Variants in WNT7B observed in about 807,000 individuals in gnomAD.
WNT7B encodes protein Wnt-7b.
A neutral mutation model predicts 38.2 loss-of-function variants in WNT7B; 19 were observed. That is an observed-to-expected ratio of 0.50 (90% CI 0.35 to 0.73). The LOEUF is 0.73. Among genes scored for constraint, WNT7B ranks in the 30% least tolerant of loss-of-function variants. The probability of loss-of-function intolerance (pLI) is 0.01; values close to 1 mark genes in which losing one functional copy is unlikely to be tolerated. For missense variants in WNT7B, 423 were observed against 507.9 expected, an observed-to-expected ratio of 0.83 and a Z score of 1.61; for synonymous variants, 243 against 209.3, an observed-to-expected ratio of 1.16 and a Z score of -1.39.
At chr22:45,972,373 C>A in intron 1 of WNT7B, 1 of 329,534 alleles carries the variant, frequency 3.0e-6, no homozygotes, top group South Asian at 1.4e-4. Context: ...CTCGTGGGCC[C>A]GGGCGCAGTT....
At chr22:45,957,246 G>A (rs867153738) in intron 1 of WNT7B, among the ~76,000 whole-genome samples, 1 of 137,146 alleles carries the variant, frequency 7.3e-6, no homozygotes, top group Non-Finnish European at 1.7e-5. Flanking sequence ...ATGTAAAAAT[G>A]CATCAAGGTG....
chr22:45,969,213 C>G (rs986332657), intron 1 of WNT7B, among the ~76,000 whole-genome samples: 1 of 152,242 alleles, frequency 6.6e-6, no homozygotes, highest in Non-Finnish European at 1.5e-5. Flanking sequence ...CCCCCCCACC[C>G]TGCCACAGCC....
chr22:45,967,854 C>T (rs1409183877), intron 1 of WNT7B, among the ~76,000 whole-genome samples: 1 of 152,160 alleles, frequency 6.6e-6, no homozygotes, highest in Non-Finnish European at 1.5e-5. Flanking sequence ...ATCACCTCGC[C>T]CCCCATCAGC....
In WNT7B at chr22:45,976,514, G is replaced by A. The variant is rs554446428; in HGVS notation, c.71+170C>T. 9.2e-5 allele frequency among the ~76,000 whole-genome samples: 14 copies of A among 152,018 alleles called. No homozygotes were observed. In the South Asian group the frequency reaches 2.7e-3, roughly 29 times the overall value. On this transcript the variant is annotated intron_variant, in intron 1 of 3. Transcript: ENST00000339464. This position sits in a 1 kb window ranked among gnomAD's most constrained non-coding sequence, Gnocchi z 8.5. ...GCCTCTCGGGAGCTCAGGGGGTTGG[G>A]CTGCGTCTCTGCTGGCGTGGGGCGA...
chr22:45,941,176 G>A (rs1185505932), intron 2 of WNT7B, among the ~76,000 whole-genome samples: 1 of 152,206 alleles, frequency 6.6e-6, no homozygotes, highest in Non-Finnish European at 1.5e-5. Flanking sequence ...AGAGCTAACG[G>A]GATTAGCAAG....
intron 1 of WNT7B, among the ~76,000 whole-genome samples, chr22:45,963,387 G>A (rs573515692): frequency 1.6e-4 from 24 of 152,156 alleles, no homozygotes; most frequent in African/African-American, 2.4e-4. Context: ...TTCCCCAGGG[G>A]CAGCCTCCTC....
chr22:45,955,559 G>C (rs1389533478), intron 1 of WNT7B, among the ~76,000 whole-genome samples: 1 of 152,196 alleles, frequency 6.6e-6, no homozygotes, highest in African/African-American at 2.4e-5. Flanking sequence ...AGGTTGGCCA[G>C]GAAGGCTCTG....
At position 45,922,665 on chromosome 22, in the gene WNT7B, TG is replaced by T; in HGVS notation, c.*190del. ...TGCCGCAGGAGGTGATGGGAGGAGG[TG>T]GCAGGAAGGAGCCCCAGGGAGGCGG... is the stretch of plus-strand genomic sequence containing the variant. On this transcript the variant is annotated 3_prime_UTR_variant, in exon 4 of 4. Coordinates refer to ENST00000339464, the MANE Select transcript of WNT7B (RefSeq NM_058238.3). 1 of 883,936 alleles carries T rather than the reference TG, an allele frequency of 1.1e-6. No homozygotes were observed. Among genetic ancestry groups the T allele is most frequent in the Non-Finnish European group, 1.7e-6 (1 of 601,810 alleles). 54.8% of individuals were successfully genotyped at this position (883,936 alleles called of 1,614,324 possible). A position where few individuals can be genotyped will look rare whatever the true frequency, so the allele number is the denominator to read the frequency against.
At chr22:45,937,493 G>C (rs1247067432) in intron 2 of WNT7B, among the ~76,000 whole-genome samples, 1 of 152,216 alleles carries the variant, frequency 6.6e-6, no homozygotes, top group Non-Finnish European at 1.5e-5. Flanking sequence ...CTTCATGCCT[G>C]TAGGTGTGAC....
rs371081957 is a variant in WNT7B at position 45,976,767 on chromosome 22, G to C, written c.-13C>G. The C allele has an allele frequency of 4.2e-4, 671 of 1,603,452 alleles. 3 individuals are homozygous for C. In the African/African-American group the frequency reaches 7.6e-3, roughly 18 times the overall value. ...AGTTTCTGTGCATGATCCAGGGAGG[G>C]GGGCTGCGCCATAGACAGCGGCGGC... On this transcript the variant is annotated 5_prime_UTR_variant, in exon 1 of 4. Transcript: ENST00000339464. This position sits in a 1 kb window ranked among gnomAD's most constrained non-coding sequence, Gnocchi z 8.5.
chr22:45,951,026 C>T lies in WNT7B; in HGVS notation c.72-880G>A, dbSNP rs1033453650. ...GCCCTAGACAAGAACCCGCAGGTCA[C>T]GCTCACTCTACTTCAAGTGATATCA... On this transcript the variant is annotated intron_variant, in intron 1 of 3. Coordinates refer to ENST00000339464, the MANE Select transcript of WNT7B (RefSeq NM_058238.3). The surrounding 1 kb of genome is among the most constrained non-coding windows in gnomAD (Gnocchi z 4.8). Among the ~76,000 whole-genome samples, 2 of 152,210 alleles carry T rather than the reference C, an allele frequency of 1.3e-5. No individual in the cohort carries two copies. The highest frequency in any genetic ancestry group is 2.9e-5 in the Non-Finnish European group (2 of 68,038).
At chr22:45,948,596 C>G (rs1045625918) in intron 2 of WNT7B, among the ~76,000 whole-genome samples, 3 of 152,214 alleles carry the variant, frequency 2.0e-5, no homozygotes, top group African/African-American at 7.2e-5. Context: ...GTTATCCCCC[C>G]CCTCCTCTGC....
Position 45,931,134 on chromosome 22 carries a change from GC to G in WNT7B, c.533del (p.Arg178ProfsTer3). 2 of 1,592,614 alleles carry G rather than the reference GC, an allele frequency of 1.3e-6. No individual in the cohort carries two copies. Among genetic ancestry groups the G allele is most frequent in the Non-Finnish European group, 1.7e-6 (2 of 1,173,444 alleles). ...DAREIKKNAR[R>X]LMNLHNNEAG... Reference sequence around the variant, plus strand: ...CCTCATTGTTATGCAGGTTCATGAGGCGCCGCGCGTTCTTCTTGATCTCCCG... The same window carrying G: ...CCTCATTGTTATGCAGGTTCATGAGGGCCGCGCGTTCTTCTTGATCTCCCG... On this transcript the variant is annotated frameshift_variant, in exon 3 of 4. Coordinates refer to ENST00000339464, the MANE Select transcript of WNT7B (RefSeq NM_058238.3). LOFTEE classifies it high-confidence loss of function.
Position 45,975,004 on chromosome 22 carries a change from G to T in WNT7B, c.71+1680C>A, listed in dbSNP as rs1192759866. Reference sequence around the variant, plus strand: ...CACCCACTCACTCGTGGGAGGAAGGGCTGCTTTCCGATGACTGAGGCAGAA... The same window carrying T: ...CACCCACTCACTCGTGGGAGGAAGGTCTGCTTTCCGATGACTGAGGCAGAA... On this transcript the variant is annotated intron_variant, in intron 1 of 3. Coordinates refer to ENST00000339464, the MANE Select transcript of WNT7B (RefSeq NM_058238.3). The surrounding 1 kb of genome is among the most constrained non-coding windows in gnomAD (Gnocchi z 6.6). Among the ~76,000 whole-genome samples the T allele has an allele frequency of 6.6e-6, 1 of 152,140 alleles. No individual in the cohort carries two copies. Among genetic ancestry groups the T allele is most frequent in the East Asian group, 1.9e-4 (1 of 5,192 alleles).
chr22:45,939,001 A>G (rs1931578092), intron 2 of WNT7B, among the ~76,000 whole-genome samples: 1 of 152,256 alleles, frequency 6.6e-6, no homozygotes, highest in Non-Finnish European at 1.5e-5. Context: ...TAAGCAGACA[A>G]AAGATTCTCA....
chr22:45,940,208 AC>A (rs1931611570), intron 2 of WNT7B, among the ~76,000 whole-genome samples: 1 of 151,684 alleles, frequency 6.6e-6, no homozygotes, highest in Admixed American at 6.6e-5. Flanking sequence ...CTCAATTTAA[AC>A]CCTCTCTGAG....
At chr22:45,927,235 C>T (rs1483846720) in intron 3 of WNT7B, 4 of 985,438 alleles carry the variant, frequency 4.1e-6, no homozygotes, top group Non-Finnish European at 4.8e-6. Flanking sequence ...GTCTCCAAAA[C>T]CTCAGGGGCT....
At chr22:45,959,542 G>A (rs1032016242) in intron 1 of WNT7B, among the ~76,000 whole-genome samples, 4 of 152,086 alleles carry the variant, frequency 2.6e-5, no homozygotes, top group African/African-American at 9.7e-5. Context: ...CTCGTGTCCC[G>A]AGGAGGCCTG....
chr22:45,961,151 C>T (rs887607309), intron 1 of WNT7B, among the ~76,000 whole-genome samples: 4 of 152,220 alleles, frequency 2.6e-5, no homozygotes, highest in East Asian at 3.9e-4. Flanking sequence ...GAGCTGGGCG[C>T]GCCGGTGAGA....
Sources: allele counts gnomAD v4.1 joint callset (sites outside exome capture counted in the v4.1 genomes callset), GRCh38; gene constraint gnomAD v4.1.1; non-coding constraint Gnocchi (gnomAD v3.1); transcripts MANE v1.5; gene names NCBI Gene and HGNC (gene_info 2026-07-23, HGNC 2026-07-21).